The following CYTH3 variants were observed in gnomAD, a reference collection of about 807,000 sequenced individuals.
The protein encoded by CYTH3 is cytohesin 3, also known as cytohesin-3.
Under a neutral mutation model 55.1 loss-of-function variants are expected in CYTH3, and 23 were observed. That is an observed-to-expected ratio of 0.42 (90% confidence interval 0.30 to 0.59). The LOEUF is 0.59. Ranked by LOEUF, CYTH3 falls within the 20% of genes least tolerant of loss-of-function variation. The pLI, the probability that CYTH3 is intolerant of heterozygous loss-of-function variation, is 0.20. For missense variants in CYTH3, 413 were observed against 524.8 expected, an observed-to-expected ratio of 0.79 and a Z score of 2.08; for synonymous variants, 249 against 194.9, an observed-to-expected ratio of 1.28 and a Z score of -2.31.
chr7:6,166,721 C>A (rs190819854), intron 9 of CYTH3, among the ~76,000 whole-genome samples: 3 of 152,142 alleles, frequency 2.0e-5, no homozygotes, highest in South Asian at 2.1e-4. Context: ...CCTGGCTCAG[C>A]GGAACTGGAG....
At chr7:6,166,688 A>ACTTCCTTCC (rs1452419834) in intron 9 of CYTH3, among the ~76,000 whole-genome samples, 3 of 152,118 alleles carry the variant, frequency 2.0e-5, no homozygotes, top group Non-Finnish European at 4.4e-5. Context: ...GGTGAGGAGG[A>ACTTCCTTCC]ACCAGCTGCA....
rs192974647 is a variant in CYTH3 at position 6,204,580 on chromosome 7, G to A, written c.35-14049C>T. On this transcript the variant is annotated intron_variant, in intron 1 of 12. Coordinates refer to ENST00000350796, the MANE Select transcript of CYTH3 (RefSeq NM_004227.4). ...AATTGAGAGTTCATTCCAGCACTGT[G>A]GCCTCCTGATTCAGGTTCTGTGGAC... 6.8e-4 allele frequency among the ~76,000 whole-genome samples: 103 copies of A among 152,260 alleles called. 2 individuals are homozygous for A. The highest frequency in any genetic ancestry group is 6.7e-3 in the Admixed American group (102 of 15,300).
chr7:6,170,599 G>T lies in CYTH3; in HGVS notation c.759C>A (p.Asp253Glu). 1 of 1,613,974 alleles carries T rather than the reference G, an allele frequency of 6.2e-7. No homozygotes were observed. Among genetic ancestry groups the T allele is most frequent in the Non-Finnish European group, 8.5e-7 (1 of 1,179,898 alleles). Reference sequence around the variant, plus strand: ...AGGTGTGGGTCAGGTCGTTCCCGTCGTCCTCCGGGATCTTAAATGGCTCGT... The same window carrying T: ...AGGTGTGGGTCAGGTCGTTCCCGTCTTCCTCCGGGATCTTAAATGGCTCGT... ...IKNEPFKIPE[D>E]DGNDLTHTFF... is the part of the protein sequence containing the mutation. The change falls in exon 9 of 13, where the codon GAC (aspartate) becomes GAA (glutamate). Residue 253 changes from aspartate (D) to glutamate (E), a missense_variant. Asp to Glu is a conservative substitution (Grantham distance 45). Coordinates refer to ENST00000350796, the MANE Select transcript of CYTH3 (RefSeq NM_004227.4). This position sits in a 1 kb window ranked among gnomAD's most constrained non-coding sequence, Gnocchi z 7.8.
intron 1 of CYTH3, among the ~76,000 whole-genome samples, chr7:6,195,590 G>A (rs965852280): frequency 6.6e-6 from 1 of 152,082 alleles, no homozygotes; most frequent in Non-Finnish European, 1.5e-5. Context: ...AAGTAGCTGG[G>A]ATTACAGGTG....
chr7:6,213,732 A>G (rs1784370377), intron 1 of CYTH3, among the ~76,000 whole-genome samples: 1 of 151,678 alleles, frequency 6.6e-6, no homozygotes, highest in Non-Finnish European at 1.5e-5. Context: ...GCACTTTCCT[A>G]GATTCCTCAG....
chr7:6,209,160 C>G (rs928022065), intron 1 of CYTH3, among the ~76,000 whole-genome samples: 1 of 152,238 alleles, frequency 6.6e-6, no homozygotes, highest in South Asian at 2.1e-4. Context: ...ACTAGCTCTG[C>G]GCCTTTAGGC....
Position 6,187,669 on chromosome 7 carries a change from G to A in CYTH3, c.170C>T (p.Ser57Phe). ...EVMTEIDNLTSVEESKTTQRN... is the reference protein window; with the variant it reads ...EVMTEIDNLTFVEESKTTQRN... ...CACAAATTGTTACCTCTCCTCTACG[G>A]AAGTTAGATTGTCGATCTCTGTCAT... Residue 57 changes from serine to phenylalanine, a missense_variant, in exon 3 of 13, where the codon TCC becomes TTC. Coordinates refer to ENST00000350796, the MANE Select transcript of CYTH3 (RefSeq NM_004227.4). 1 of 1,613,772 alleles carries A rather than the reference G, an allele frequency of 6.2e-7. No homozygotes were observed. The highest frequency in any genetic ancestry group is 8.5e-7 in the Non-Finnish European group (1 of 1,179,678).
intron 1 of CYTH3, among the ~76,000 whole-genome samples, chr7:6,205,400 C>A (rs552390098): frequency 2.6e-4 from 39 of 152,062 alleles, no homozygotes; most frequent in African/African-American, 8.4e-4. Flanking sequence ...TGGTAAAACC[C>A]CATCTCTACT....
chr7:6,268,226 T>C (rs868449840), intron 1 of CYTH3, among the ~76,000 whole-genome samples: 2 of 152,158 alleles, frequency 1.3e-5, no homozygotes, highest in Non-Finnish European at 2.9e-5. Context: ...TGGAATGCAG[T>C]GGCGCAATCT....
intron 1 of CYTH3, among the ~76,000 whole-genome samples, chr7:6,201,784 T>C (rs1784063626): frequency 6.6e-6 from 1 of 152,140 alleles, no homozygotes; most frequent in South Asian, 2.1e-4. Context: ...AACTTTAGAC[T>C]TGTCAAGTTA....
chr7:6,225,836 C>T (rs142851752), intron 1 of CYTH3, among the ~76,000 whole-genome samples: 2,969 of 152,128 alleles, frequency 0.02, 104 homozygotes, highest in African/African-American at 0.068. Flanking sequence ...TGTGTCACCA[C>T]ACCCAGCTAA....
intron 1 of CYTH3, among the ~76,000 whole-genome samples, chr7:6,220,426 ATGACTGAGAATCCACAAACG>A (rs940863124): frequency 3.3e-5 from 5 of 152,140 alleles, no homozygotes; most frequent in African/African-American, 4.8e-5. Flanking sequence ...AGGCTTAGTA[ATGACTGAGAATCCACAAACG>A]TGACTGAGAA....
chr7:6,174,601 G>A (rs1329781069), intron 5 of CYTH3, among the ~76,000 whole-genome samples: 2 of 140,708 alleles, frequency 1.4e-5, no homozygotes, highest in Non-Finnish European at 3.0e-5. Flanking sequence ...AGGCTGGAGT[G>A]CAGTGGCACA....
chr7:6,164,842 C>G lies in CYTH3; in HGVS notation c.*102G>C. On this transcript the variant is annotated 3_prime_UTR_variant, in exon 13 of 13. Transcript: ENST00000350796. ...TATGCTCTGGAGCAGCAGCTTGCAC[C>G]GCAGGGCGACTGCCTCCCTGCCACG... 1.5e-6 allele frequency: 2 copies of G among 1,298,458 alleles called. No homozygotes were observed. Among genetic ancestry groups the G allele is most frequent in the South Asian group, 2.5e-5 (2 of 80,930 alleles). The allele number at this position is 1,298,458 out of a possible 1,614,324, so 80.4% of individuals were successfully genotyped here. A position where few individuals can be genotyped will look rare whatever the true frequency, so the allele number is the denominator to read the frequency against.
intron 1 of CYTH3, among the ~76,000 whole-genome samples, chr7:6,200,700 C>G (rs892958356): frequency 1.3e-5 from 2 of 152,182 alleles, no homozygotes; most frequent in African/African-American, 4.8e-5. Context: ...TACATGGAGC[C>G]GTGGTTTAAC....
At chr7:6,175,452 G>A (rs535830252) in intron 5 of CYTH3, among the ~76,000 whole-genome samples, 1 of 151,820 alleles carries the variant, frequency 6.6e-6, no homozygotes, top group Admixed American at 6.5e-5. Context: ...ACATTAATGT[G>A]AGGGTTTATT....
intron 6 of CYTH3, among the ~76,000 whole-genome samples, 178 bp downstream of exon 6, chr7:6,173,475 C>G (rs1016880179): frequency 1.3e-5 from 2 of 152,188 alleles, no homozygotes; most frequent in African/African-American, 4.8e-5. Flanking sequence ...GCCCCAATTC[C>G]TGTCTAGGGC....
At chr7:6,232,727 C>T (rs1423585849) in intron 1 of CYTH3, among the ~76,000 whole-genome samples, 2 of 152,148 alleles carry the variant, frequency 1.3e-5, no homozygotes, top group East Asian at 1.9e-4. Context: ...TTCTGACTGT[C>T]CCGCTTCCCT....
At position 6,169,089 on chromosome 7, in the gene CYTH3, G is replaced by T. The variant is rs939182179; in HGVS notation, c.823+1446C>A. 6.6e-6 allele frequency among the ~76,000 whole-genome samples: 1 copy of T among 152,180 alleles called. No individual in the cohort carries two copies. Among genetic ancestry groups the T allele is most frequent in the African/African-American group, 2.4e-5 (1 of 41,448 alleles). On this transcript the variant is annotated intron_variant, in intron 9 of 12. Transcript: ENST00000350796. This position sits in a 1 kb window ranked among gnomAD's most constrained non-coding sequence, Gnocchi z 4.1. Reference sequence around the variant, plus strand: ...AATATCTACAACTCCCCTAAACCTCGGTACAGCCAGAAAAAAGTCAAAGAG... The same window carrying T: ...AATATCTACAACTCCCCTAAACCTCTGTACAGCCAGAAAAAAGTCAAAGAG...
Sources: allele counts gnomAD v4.1 joint callset (sites outside exome capture counted in the v4.1 genomes callset), GRCh38; gene constraint gnomAD v4.1.1; non-coding constraint Gnocchi (gnomAD v3.1); transcripts MANE v1.5; gene names NCBI Gene and HGNC (gene_info 2026-07-23, HGNC 2026-07-21).